The following SYNE1 variants were observed in gnomAD, a reference collection of about 807,000 sequenced individuals.
SYNE1 encodes the protein spectrin repeat containing nuclear envelope protein 1.
A neutral mutation model predicts 1,111.0 loss-of-function variants in SYNE1; 616 were observed. That is an observed-to-expected ratio of 0.55 (90% confidence interval 0.52 to 0.59). SYNE1 has a LOEUF of 0.59. Ranked by LOEUF, SYNE1 falls within the 20% of genes least tolerant of loss-of-function variation. SYNE1 has a pLI of 0.00. For missense variants in SYNE1, 10,006 were observed against 10,417.0 expected (o/e 0.96, Z 1.72); for synonymous variants, 3,855 against 3,825.8 (o/e 1.01, Z -0.28).
chr6:152,556,669 A>G (rs2099366146), intron 3 of SYNE1, among the ~76,000 whole-genome samples: 1 of 152,182 alleles, frequency 6.6e-6, no homozygotes, highest in Non-Finnish European at 1.5e-5. Flanking sequence ...CTCAGCCCCT[A>G]TAAGCTAAGA....
chr6:152,596,264 TTGTTTG>T (rs1337802078), intron 3 of SYNE1, among the ~76,000 whole-genome samples: 12 of 113,304 alleles, frequency 1.1e-4, no homozygotes, highest in African/African-American at 3.6e-4. Context: ...AGTTTTTTGT[TTGTTTG>T]TTTTTTTTTT....
rs2099575456 is a variant in SYNE1 at position 152,594,511 on chromosome 6, T to C, written c.67+33754A>G. 2.0e-5 allele frequency among the ~76,000 whole-genome samples: 3 copies of C among 152,362 alleles called. No homozygotes were observed. The South Asian group carries it at 6.2e-4, about 32-fold the overall frequency. On this transcript the variant is annotated intron_variant, in intron 3 of 145. Transcript: ENST00000367255. ...CCTTTAGGAGGTATTCTAAACTTAA[T>C]ATCCAATGAATCTATGAAATCTTCA...
At chr6:152,409,501 G>T (rs1410708620) in intron 43 of SYNE1, 58 bp downstream of exon 43, 33 of 1,594,332 alleles carry the variant, frequency 2.1e-5, no homozygotes, top group Non-Finnish European at 2.7e-5. Flanking sequence ...ACTGCTTTAT[G>T]AGTAAAAACC....
At chr6:152,430,337 TC>T (rs1333623367) in intron 35 of SYNE1, 127 bp from the exon 36 acceptor site, 3 of 1,114,392 alleles carry the variant, frequency 2.7e-6, no homozygotes, top group Non-Finnish European at 4.0e-6. Context: ...TAAAATGCAT[TC>T]TTTAAACATC....
intron 3 of SYNE1, among the ~76,000 whole-genome samples, chr6:152,613,285 GC>G (rs1411026805): frequency 1.3e-5 from 2 of 152,190 alleles, no homozygotes; most frequent in African/African-American, 2.4e-5. Flanking sequence ...AAGCTGATAA[GC>G]AACTTCAGCA....
chr6:152,475,254 T>C (rs2154283369), intron 14 of SYNE1, among the ~76,000 whole-genome samples: 1 of 152,310 alleles, frequency 6.6e-6, no homozygotes, highest in Non-Finnish European at 1.5e-5. Context: ...CCTTGACTCA[T>C]GATGGGGTTA....
chr6:152,430,208 G>T lies in SYNE1; in HGVS notation c.4692C>A (p.Ile1564=), dbSNP rs2098415903. Reference sequence around the variant, plus strand: ...CTTCAAATTCAGACACAGATTGCTGGATCTAAAACATTGGTGCAATATAAA... The same window carrying T: ...CTTCAAATTCAGACACAGATTGCTGTATCTAAAACATTGGTGCAATATAAA... The part of the protein sequence containing the change: ...QQKFEENLRK[I]QQSVSEFEDK... Residue 1564 remains isoleucine (I), a splice_region_variant and synonymous_variant, in exon 36 of 146, where the codon ATC becomes ATA. Transcript: ENST00000367255. 6.3e-7 allele frequency: 1 copy of T among 1,596,370 alleles called. No homozygotes were observed. Among genetic ancestry groups the T allele is most frequent in the East Asian group, 2.2e-5 (1 of 44,544 alleles).
rs774609945 is a variant in SYNE1, at chr6:152,218,994, G to T, written c.22044+9C>A. The T allele has an allele frequency of 1.1e-5, 17 of 1,613,014 alleles. No individual in the cohort carries two copies. Among genetic ancestry groups the T allele is most frequent in the Non-Finnish European group, 1.4e-5 (17 of 1,179,726 alleles). On this transcript the variant is annotated intron_variant, in intron 120 of 145. Coordinates refer to ENST00000367255, the MANE Select transcript of SYNE1 (RefSeq NM_182961.4). ...AATATACAGAAGATACTAAATAGGA[G>T]CTCTGTACCTGTAATGAAGTCTGCT...
intron 131 of SYNE1, among the ~76,000 whole-genome samples, chr6:152,162,618 A>G (rs1054096408): frequency 2.6e-5 from 4 of 152,214 alleles, no homozygotes; most frequent in African/African-American, 7.2e-5. Flanking sequence ...CAGAATCTCA[A>G]ACATCACCAC....
chr6:152,510,808 G>T (rs913302611), intron 7 of SYNE1, among the ~76,000 whole-genome samples: 1 of 152,128 alleles, frequency 6.6e-6, no homozygotes, highest in Admixed American at 6.5e-5. Flanking sequence ...GTTCTTCGGG[G>T]TGTGAGGTTC....
chr6:152,188,957 CAAAAAAAAAAAAAAAAA>C lies in SYNE1; in HGVS notation c.23301+278_23301+294del, dbSNP rs1159424311. Among the ~76,000 whole-genome samples, 23 of 49,082 alleles carry C rather than the reference CAAAAAAAAAAAAAAAAA, an allele frequency of 4.7e-4. 1 individual carries two copies. The East Asian group carries it at 9.6e-3, about 20-fold the overall frequency. The allele number at this position is 49,082 out of a possible 152,430, so 32.2% of individuals were successfully genotyped here. A position where few individuals can be genotyped will look rare whatever the true frequency, so the allele number is the denominator to read the frequency against. On this transcript the variant is annotated intron_variant, in intron 128 of 145. Coordinates refer to ENST00000367255, the MANE Select transcript of SYNE1 (RefSeq NM_182961.4). ...TGGGCAAAAGAGTGAGACTCTGTCT[CAAAAAAAAAAAAAAAAA>C]AAAAAAAAAAATATATATATATATA... is the stretch of plus-strand genomic sequence containing the variant.
intron 119 of SYNE1, among the ~76,000 whole-genome samples, chr6:152,219,975 A>G (rs527592113): frequency 3.1e-4 from 47 of 152,364 alleles, no homozygotes; most frequent in African/African-American, 1.1e-3. Context: ...AAGAAGAACA[A>G]AGGGCTCTTT....
At chr6:152,291,666 G>A (rs2094610999) in intron 95 of SYNE1, among the ~76,000 whole-genome samples, 1 of 152,100 alleles carries the variant, frequency 6.6e-6, no homozygotes, top group Non-Finnish European at 1.5e-5. Context: ...CCAGTATCCT[G>A]TTTTCATGCA....
chr6:152,412,889 T>C (rs570814356), intron 42 of SYNE1, among the ~76,000 whole-genome samples: 11 of 151,358 alleles, frequency 7.3e-5, no homozygotes, highest in Admixed American at 2.0e-4. Flanking sequence ...TCTTGCTCTG[T>C]CTTCCAGCCT....
At chr6:152,363,409 G>T (rs1168256884) in intron 63 of SYNE1, among the ~76,000 whole-genome samples, 2 of 150,680 alleles carry the variant, frequency 1.3e-5, no homozygotes, top group Admixed American at 1.3e-4. Flanking sequence ...CAGGAGAATG[G>T]CGTGAACCCG....
intron 40 of SYNE1, among the ~76,000 whole-genome samples, chr6:152,418,182 T>C (rs1035156466): frequency 6.6e-6 from 1 of 152,234 alleles, no homozygotes; most frequent in Non-Finnish European, 1.5e-5. Context: ...TAATTGTAAA[T>C]TTATTCTCTG....
chr6:152,151,232 A>C (rs2060359759), intron 135 of SYNE1, among the ~76,000 whole-genome samples: 3 of 151,808 alleles, frequency 2.0e-5, no homozygotes, highest in African/African-American at 4.8e-5. Flanking sequence ...AAAAAAAAAA[A>C]AACAAAACAA....
intron 145 of SYNE1, chr6:152,128,335 C>A (rs1457443403): frequency 6.6e-6 from 1 of 152,120 alleles, no homozygotes; most frequent in East Asian, 1.9e-4. Context: ...TAGGGAGCTC[C>A]CTGTAACGAT....
intron 127 of SYNE1, among the ~76,000 whole-genome samples, chr6:152,189,976 C>T (rs1041286117): frequency 2.6e-5 from 4 of 152,200 alleles, no homozygotes; most frequent in African/African-American, 9.7e-5. Context: ...ACTCACAGAA[C>T]TTTTTTCAAA....
Sources: allele counts gnomAD v4.1 joint callset (sites outside exome capture counted in the v4.1 genomes callset), GRCh38; gene constraint gnomAD v4.1.1; transcripts MANE v1.5; gene names NCBI Gene and HGNC (gene_info 2026-07-23, HGNC 2026-07-21).